Variants in TNFSF4 observed in about 807,000 individuals in gnomAD.
TNFSF4 encodes the protein tumor necrosis factor ligand superfamily member 4.
In TNFSF4, 4 loss-of-function variants were observed where a neutral mutation model predicts 7.3. The observed-to-expected ratio is 0.55, with a 90% CI of 0.27 to 1.25. The LOEUF is 1.25. Among genes scored for constraint, TNFSF4 ranks in the 50% most tolerant of loss-of-function variants. The probability of loss-of-function intolerance (pLI) is 0.12; values close to 1 mark genes in which losing one functional copy is unlikely to be tolerated. For synonymous variants in TNFSF4, 76 were observed against 83.7 expected (o/e 0.91, Z 0.50); for missense variants, 181 against 208.8 (o/e 0.87, Z 0.82).
chr1:173,366,551 A>G, the TNFSF4 span, among the ~76,000 whole-genome samples: 1 of 152,132 alleles, frequency 6.6e-6, no homozygotes, highest in Non-Finnish European at 1.5e-5. Flanking sequence ...AACAAATAAG[A>G]CCTAGTATCT....
chr1:173,211,346 G>A (rs1199365140), upstream of TNFSF4, among the ~76,000 whole-genome samples: 1 of 152,108 alleles, frequency 6.6e-6, no homozygotes, highest in African/African-American at 2.4e-5. Context: ...TAATGTTTTT[G>A]TACTCCAGGA....
chr1:173,380,615 C>A, the TNFSF4 span, among the ~76,000 whole-genome samples: 1 of 152,062 alleles, frequency 6.6e-6, no homozygotes, highest in Non-Finnish European at 1.5e-5. Context: ...CCTGGGACAC[C>A]CTGCAGCAGC....
the TNFSF4 span, among the ~76,000 whole-genome samples, chr1:173,380,144 C>T: frequency 6.6e-6 from 1 of 152,120 alleles, no homozygotes; most frequent in Non-Finnish European, 1.5e-5. Flanking sequence ...CTGGGACAGC[C>T]TGTAACCAGG....
chr1:173,352,929 C>A, the TNFSF4 span, among the ~76,000 whole-genome samples: 2 of 152,168 alleles, frequency 1.3e-5, no homozygotes, highest in African/African-American at 4.8e-5. Context: ...ATATTCCTTG[C>A]TGGGGAAAGA....
the TNFSF4 span, among the ~76,000 whole-genome samples, chr1:173,353,181 A>C: frequency 6.6e-6 from 1 of 152,226 alleles, no homozygotes; most frequent in East Asian, 1.9e-4. Context: ...TCAGGTTACA[A>C]AGATGATGGG....
the TNFSF4 span, among the ~76,000 whole-genome samples, chr1:173,402,002 A>T: frequency 6.6e-6 from 1 of 152,078 alleles, no homozygotes; most frequent in Admixed American, 6.6e-5. Flanking sequence ...CGTATTTTCC[A>T]TTTGCACTTG....
At chr1:173,244,394 G>A in the TNFSF4 span, among the ~76,000 whole-genome samples, 64 of 152,058 alleles carry the variant, frequency 4.2e-4, no homozygotes, top group Non-Finnish European at 6.5e-4. Flanking sequence ...TGTAATCCCA[G>A]CACTTTGGGA....
At chr1:173,281,842 C>CA in the TNFSF4 span, among the ~76,000 whole-genome samples, 1 of 152,158 alleles carries the variant, frequency 6.6e-6, no homozygotes, top group African/African-American at 2.4e-5. Flanking sequence ...GACATATTAA[C>CA]ATTATCTATT....
rs767451227 is a variant in TNFSF4 at position 173,186,661 on chromosome 1, T to C, written c.407A>G (p.Asn136Ser). 7 of 1,614,060 alleles carry C rather than the reference T, an allele frequency of 4.3e-6. No homozygotes were observed. Among genetic ancestry groups the C allele is most frequent in the Middle Eastern group, 1.6e-4 (1 of 6,062 alleles). The change falls in exon 3 of 3, where the codon AAC becomes AGC. Residue 136 changes from asparagine (N) to serine (S), a missense_variant. By Grantham distance (46) the Asn-to-Ser change is conservative. Coordinates refer to ENST00000281834, the MANE Select transcript of TNFSF4 (RefSeq NM_003326.5). ...LFQLKKVRSV[N>S]SLMVASLTYK... The stretch of plus-strand genomic sequence containing the variant: ...AGTCAGAGAGGCCACCATCAAGGAG[T>C]TGACAGACCTGACCTTCTTCAGTTG...
At chr1:173,299,529 A>G in the TNFSF4 span, among the ~76,000 whole-genome samples, 1 of 151,850 alleles carries the variant, frequency 6.6e-6, no homozygotes, top group Admixed American at 6.6e-5. Flanking sequence ...TATTCAAACA[A>G]ATCCCCTTGA....
the TNFSF4 span, among the ~76,000 whole-genome samples, chr1:173,295,166 T>A: frequency 6.6e-6 from 1 of 152,032 alleles, no homozygotes; most frequent in Non-Finnish European, 1.5e-5. Flanking sequence ...AACCCTTTTT[T>A]AAAATACTTG....
chr1:173,213,783 C>T, the TNFSF4 span, among the ~76,000 whole-genome samples: 1 of 152,156 alleles, frequency 6.6e-6, no homozygotes, highest in Non-Finnish European at 1.5e-5. Flanking sequence ...AGACATTAAT[C>T]CCCTCTTCTT....
chr1:173,250,451 TTTTG>T, the TNFSF4 span, among the ~76,000 whole-genome samples: 1 of 149,560 alleles, frequency 6.7e-6, no homozygotes, highest in South Asian at 2.1e-4. Flanking sequence ...CAGTTTCATT[TTTTG>T]TTTTTTTGTT....
downstream of TNFSF4, among the ~76,000 whole-genome samples, chr1:173,183,370 A>G (rs1649091724): frequency 6.6e-6 from 1 of 152,234 alleles, no homozygotes; most frequent in African/African-American, 2.4e-5. Context: ...AAACCCATTA[A>G]TAGTTGTGAC....
chr1:173,309,620 G>C, the TNFSF4 span, among the ~76,000 whole-genome samples: 1 of 151,746 alleles, frequency 6.6e-6, no homozygotes, highest in East Asian at 1.9e-4. Flanking sequence ...ACTTATAGGA[G>C]ATGATTAGCT....
At chr1:173,382,047 C>T in the TNFSF4 span, among the ~76,000 whole-genome samples, 2,564 of 152,218 alleles carry the variant, frequency 0.017, 64 homozygotes, top group African/African-American at 0.059. Context: ...TGCTTGGGTC[C>T]CCTTCCACAC....
the TNFSF4 span, among the ~76,000 whole-genome samples, chr1:173,261,505 T>A: frequency 1.3e-5 from 2 of 151,896 alleles, no homozygotes; most frequent in East Asian, 3.9e-4. Context: ...GATAAAGACA[T>A]GAAAAACCCT....
the TNFSF4 span, among the ~76,000 whole-genome samples, chr1:173,216,849 A>G: frequency 6.6e-6 from 1 of 151,976 alleles, no homozygotes; most frequent in African/African-American, 2.4e-5. Context: ...TTTCCTTCCT[A>G]CTGTCTGCCA....
At chr1:173,273,099 T>G in the TNFSF4 span, among the ~76,000 whole-genome samples, 1 of 152,176 alleles carries the variant, frequency 6.6e-6, no homozygotes, top group East Asian at 1.9e-4. Flanking sequence ...ATTTTTTCCT[T>G]GCAAATTGAT....
Sources: allele counts gnomAD v4.1 joint callset (sites outside exome capture counted in the v4.1 genomes callset), GRCh38; gene constraint gnomAD v4.1.1; transcripts MANE v1.5; gene names NCBI Gene and HGNC (gene_info 2026-07-23, HGNC 2026-07-21).